SLC44A2: variants seen among roughly 807,000 people sequenced by gnomAD.
The protein encoded by SLC44A2 is choline transporter-like protein 2.
A neutral mutation model predicts 90.8 loss-of-function variants in SLC44A2; 57 were observed. The ratio of observed to expected loss-of-function variants is 0.63; its 90% confidence interval spans 0.51 to 0.78. SLC44A2 has a LOEUF of 0.78. Among genes scored for constraint, SLC44A2 ranks in the 30% least tolerant of loss-of-function variants. The pLI is 0.00. For synonymous variants in SLC44A2, 355 were observed against 360.7 expected, an observed-to-expected ratio of 0.98 and a Z score of 0.18; for missense variants, 794 against 919.7, an observed-to-expected ratio of 0.86 and a Z score of 1.77.
At chr19:10,616,279 G>C (rs1289608105) in intron 1 of SLC44A2, among the ~76,000 whole-genome samples, 1 of 152,114 alleles carries the variant, frequency 6.6e-6, no homozygotes, top group African/African-American at 2.4e-5. Context: ...TTCCCAGGCT[G>C]GAGTGCAGTG....
rs781479406 is a variant in SLC44A2 at position 10,634,705 on chromosome 19, G to T, written c.824-51G>T. The T allele has an allele frequency of 1.1e-5, 18 of 1,610,544 alleles. No individual in the cohort carries two copies. The highest frequency in any genetic ancestry group is 2.2e-5 in the East Asian group (1 of 44,780). ...AAATGGGGGCAGTTGTAGCTGCTTT[G>T]CAAAGTTGCAGGAGGCACTGCTGGA... On this transcript the variant is annotated intron_variant, in intron 10 of 21. Transcript: ENST00000335757.
chr19:10,631,202 G>T (rs1054156255), intron 5 of SLC44A2, 61 bp downstream of exon 5: 11 of 1,604,680 alleles, frequency 6.9e-6, no homozygotes, highest in Admixed American at 1.7e-5. Context: ...TTCCCCCTGT[G>T]AATGTGGGCT....
chr19:10,631,856 T>C lies in SLC44A2; in HGVS notation c.627-12T>C, dbSNP rs777317348. The C allele has an allele frequency of 2.5e-6, 4 of 1,614,226 alleles. 1 individual carries two copies. The highest frequency in any genetic ancestry group is 1.7e-6 in the Non-Finnish European group (2 of 1,180,030). On this transcript the variant is annotated splice_polypyrimidine_tract_variant and intron_variant, in intron 8 of 21. Coordinates refer to ENST00000335757, the MANE Select transcript of SLC44A2 (RefSeq NM_020428.4). ...AGAGGGTCTGACCCGAGCCTTGTCC[T>C]CCTTCCCCCAGGAAAGCCAATGGAG...
chr19:10,635,371 T>G, intron 13 of SLC44A2, 60 bp from the exon 14 acceptor site: 1 of 1,609,464 alleles, frequency 6.2e-7, no homozygotes, highest in Non-Finnish European at 8.5e-7. Flanking sequence ...ATGGATTCTT[T>G]CCCACAAAAG....
chr19:10,608,683 T>G (rs552804959), intron 1 of SLC44A2, among the ~76,000 whole-genome samples: 37 of 151,850 alleles, frequency 2.4e-4, no homozygotes, highest in African/African-American at 8.9e-4. Context: ...AGGGTCTCAC[T>G]CTGTCACCCA....
At chr19:10,618,395 C>T (rs1464163179) in intron 1 of SLC44A2, among the ~76,000 whole-genome samples, 1 of 150,624 alleles carries the variant, frequency 6.6e-6, no homozygotes, top group African/African-American at 2.4e-5. Context: ...AGGATGGTCT[C>T]GATCTCCTGA....
intron 20 of SLC44A2, among the ~76,000 whole-genome samples, chr19:10,642,128 G>GT (rs915659571): frequency 2.0e-5 from 3 of 150,652 alleles, no homozygotes; most frequent in African/African-American, 7.3e-5. Context: ...TGGCACTCCA[G>GT]TCTGGGCAAC....
At chr19:10,623,712 C>T (rs1021178764), upstream of SLC44A2, among the ~76,000 whole-genome samples, 7 of 147,320 alleles carry the variant, frequency 4.8e-5, no homozygotes, top group African/African-American at 1.3e-4. Context: ...TTTTTTGAGG[C>T]GGAGTCTCGC....
At position 10,632,113 on chromosome 19, in the gene SLC44A2, G is replaced by T. The variant is rs1182828269; in HGVS notation, c.780G>T (p.Met260Ile). 1.2e-6 allele frequency: 2 copies of T among 1,614,094 alleles called. No individual in the cohort carries two copies. Among genetic ancestry groups the T allele is most frequent in the South Asian group, 2.2e-5 (2 of 91,078 alleles). ...TGCTTCGCTTCCTGGCTGGTATTAT[G>T]GTCTGGGTGATGATCATCATGGTGA... ...IILLRFLAGI[M>I]VWVMIIMVIL... The change falls in exon 10 of 22, where the codon ATG (methionine) becomes ATT (isoleucine). Residue 260 changes from methionine to isoleucine, a missense_variant. Physicochemically the swap from Met to Ile is conservative, Grantham distance 10. Transcript: ENST00000335757.
chr19:10,642,896 G>T, intron 21 of SLC44A2: 1 of 1,588,018 alleles, frequency 6.3e-7, no homozygotes, highest in East Asian at 2.2e-5. Flanking sequence ...GGGGAGCCCA[G>T]GTGAGGACCT....
intron 1 of SLC44A2, among the ~76,000 whole-genome samples, chr19:10,610,608 C>T (rs1018023540): frequency 7.1e-6 from 1 of 140,660 alleles, no homozygotes; most frequent in Non-Finnish European, 1.5e-5. Context: ...GCTGGGATTA[C>T]AGTCGTGAGC....
chr19:10,628,467 A>T (rs8110055), intron 4 of SLC44A2, among the ~76,000 whole-genome samples: 3 of 152,084 alleles, frequency 2.0e-5, no homozygotes, highest in Non-Finnish European at 2.9e-5. Context: ...GTGGGAGGAT[A>T]GCTTGAGCTG....
chr19:10,643,444 G>A lies in SLC44A2; in HGVS notation c.*59G>A. On this transcript the variant is annotated 3_prime_UTR_variant, in exon 22 of 22. Coordinates refer to ENST00000335757, the MANE Select transcript of SLC44A2 (RefSeq NM_020428.4). ...ATGCCGCAGGGTGCTCAGTAGCTGG[G>A]TCTGTTCCCCCAGCCCCTTGGGCTC... 1 of 1,557,322 alleles carries A rather than the reference G, an allele frequency of 6.4e-7. No homozygotes were observed. The highest frequency in any genetic ancestry group is 8.7e-7 in the Non-Finnish European group (1 of 1,149,440).
At chr19:10,631,985 T>C (rs1162079000) in intron 9 of SLC44A2, 34 bp downstream of exon 9, 1 of 1,612,922 alleles carries the variant, frequency 6.2e-7, no homozygotes, top group Admixed American at 1.7e-5. Flanking sequence ...CTCCCCTGGC[T>C]GCCCCCTCTA....
rs1049666475 is a variant in SLC44A2 at position 10,637,924 on chromosome 19, C to A, written c.1764C>A (p.Ile588=). The part of the protein sequence containing the change: ...RNAFFLLMRN[I]IRVAVLDKVT... ...CCTTCTTCCTGCTCATGAGAAACAT[C>A]ATCAGGTCGGGAATCATTATCATCT... Residue 588 remains isoleucine (I), a synonymous_variant, in exon 18 of 22, where the codon ATC becomes ATA. Coordinates refer to ENST00000335757, the MANE Select transcript of SLC44A2 (RefSeq NM_020428.4). 7 of 1,614,170 alleles carry A rather than the reference C, an allele frequency of 4.3e-6. No individual in the cohort carries two copies. Among genetic ancestry groups the A allele is most frequent in the Non-Finnish European group, 5.1e-6 (6 of 1,180,018 alleles).
intron 1 of SLC44A2, among the ~76,000 whole-genome samples, chr19:10,607,140 C>T (rs2144801090): frequency 6.6e-6 from 1 of 152,102 alleles, no homozygotes; most frequent in East Asian, 1.9e-4. Flanking sequence ...GTCTCGATCT[C>T]CTGACCTTGT....
chr19:10,641,377 C>CA (rs1476991397), intron 20 of SLC44A2: 1 of 443,938 alleles, frequency 2.3e-6, no homozygotes, highest in East Asian at 7.1e-5. Flanking sequence ...CTGAGCAACA[C>CA]AGTGAGACCC....
rs926758227 is a variant in SLC44A2, at chr19:10,613,395, G to A, written c.31+10834G>A. Among the ~76,000 whole-genome samples, 11 of 152,020 alleles carry A rather than the reference G, an allele frequency of 7.2e-5. No homozygotes were observed. In the East Asian group the frequency reaches 1.2e-3, roughly 16 times the overall value. On this transcript the variant is annotated intron_variant, in intron 1 of 21. Transcript: ENST00000407327. The stretch of plus-strand genomic sequence containing the variant: ...CTCCCGAGTAGCTGGGACTACAGGC[G>A]CCCACCACTATGCCCGGCTAATTTT...
At position 10,634,985 on chromosome 19, in the gene SLC44A2, A is replaced by G. The variant is rs376045718; in HGVS notation, c.967A>G (p.Ser323Gly). The G allele has an allele frequency of 4.8e-5, 78 of 1,613,954 alleles. No homozygotes were observed. The highest frequency in any genetic ancestry group is 3.0e-4 in the Admixed American group (18 of 59,986). ...QTWLAFMIIL[S>G]ILEVIIILLL... Reference sequence around the variant, plus strand: ...TTTGCCCTTTGCAGTGATCATTCTGAGTATCCTTGAAGTCATTATCATCTT... The same window carrying G: ...TTTGCCCTTTGCAGTGATCATTCTGGGTATCCTTGAAGTCATTATCATCTT... The change falls in exon 12 of 22, where the codon AGT (serine) becomes GGT (glycine). Residue 323 changes from serine to glycine, a missense_variant. Physicochemically the swap from Ser to Gly is moderately conservative, Grantham distance 56. Transcript: ENST00000335757.
Sources: allele counts gnomAD v4.1 joint callset (sites outside exome capture counted in the v4.1 genomes callset), GRCh38; gene constraint gnomAD v4.1.1; transcripts MANE v1.5; gene names NCBI Gene and HGNC (gene_info 2026-07-23, HGNC 2026-07-21).